SLX4IP: variants seen among roughly 807,000 people sequenced by gnomAD.
SLX4IP encodes protein SLX4IP.
SLX4IP carries 34 observed loss-of-function variants against 32.9 expected under a neutral mutation model. That is an observed-to-expected ratio of 1.03 (90% CI 0.79 to 1.38). The LOEUF (loss-of-function observed/expected upper bound fraction) is 1.38. Among genes scored for constraint, SLX4IP ranks in the 40% most tolerant of loss-of-function variants. SLX4IP has a pLI of 0.00. For missense variants in SLX4IP, 444 were observed against 479.0 expected, an observed-to-expected ratio of 0.93 and a Z score of 0.68; for synonymous variants, 172 against 171.7, an observed-to-expected ratio of 1.00 and a Z score of -0.01.
intron 2 of SLX4IP, among the ~76,000 whole-genome samples, chr20:10,467,246 A>G (rs538646170): frequency 6.6e-6 from 1 of 152,368 alleles, no homozygotes; most frequent in African/African-American, 2.4e-5. Context: ...CACATTGAAA[A>G]GATTTATGCA....
rs149226808 is a variant in SLX4IP, at chr20:10,534,585, A to G, written c.28-21646A>G. ...AGGTGGGGTAGAAGAAGGAATGGGG[A>G]GCTCCTTCCAGCAGAGCCAAGGTCC... is the stretch of plus-strand genomic sequence containing the variant. On this transcript the variant is annotated intron_variant, in intron 2 of 7. Coordinates refer to ENST00000334534, the MANE Select transcript of SLX4IP (RefSeq NM_001009608.3). 5.1e-3 allele frequency among the ~76,000 whole-genome samples: 772 copies of G among 152,264 alleles called. 3 individuals are homozygous for G. Among genetic ancestry groups the G allele is most frequent in the African/African-American group, 0.018 (744 of 41,560 alleles).
At chr20:10,588,307 A>G (rs112527194) in intron 4 of SLX4IP, among the ~76,000 whole-genome samples, 3,736 of 152,286 alleles carry the variant, frequency 0.025, 94 homozygotes, top group Admixed American at 0.087. Context: ...CCACAGTGAG[A>G]TGTCATCTCA....
chr20:10,591,846 T>C (rs1243546405), intron 4 of SLX4IP, among the ~76,000 whole-genome samples: 1 of 152,212 alleles, frequency 6.6e-6, no homozygotes, highest in Admixed American at 6.5e-5. Flanking sequence ...TTTCTCAATT[T>C]GTTTTATTCT....
At chr20:10,548,557 G>C (rs2066188310) in intron 2 of SLX4IP, among the ~76,000 whole-genome samples, 1 of 152,124 alleles carries the variant, frequency 6.6e-6, no homozygotes, top group Admixed American at 6.5e-5. Flanking sequence ...CCTTCTTTGT[G>C]TGTTATGATC....
intron 1 of SLX4IP, among the ~76,000 whole-genome samples, chr20:10,444,110 G>A (rs1171136128): frequency 6.8e-6 from 1 of 148,114 alleles, no homozygotes; most frequent in African/African-American, 2.5e-5. Flanking sequence ...GAAGAGTTTT[G>A]AATAGGGGAC....
At chr20:10,583,811 ATT>A (rs568064415) in intron 4 of SLX4IP, among the ~76,000 whole-genome samples, 13 of 152,340 alleles carry the variant, frequency 8.5e-5, no homozygotes, top group African/African-American at 3.1e-4. Flanking sequence ...AGGTATTTAT[ATT>A]ACTAGTAAAT....
At chr20:10,510,811 C>T (rs534411124) in intron 2 of SLX4IP, among the ~76,000 whole-genome samples, 7 of 152,110 alleles carry the variant, frequency 4.6e-5, no homozygotes, top group South Asian at 2.1e-4. Flanking sequence ...TCACCATGTT[C>T]GCCAGGATGG....
At chr20:10,474,096 T>G (rs1245939201) in intron 2 of SLX4IP, among the ~76,000 whole-genome samples, 1 of 152,174 alleles carries the variant, frequency 6.6e-6, no homozygotes, top group Non-Finnish European at 1.5e-5. Context: ...GTGCTGGGAT[T>G]ACAGGCGTGA....
intron 2 of SLX4IP, among the ~76,000 whole-genome samples, chr20:10,526,554 G>A (rs1473970712): frequency 1.3e-5 from 2 of 152,108 alleles, no homozygotes; most frequent in East Asian, 3.9e-4. Context: ...TTTTTAGTAG[G>A]CTTCTGTATT....
intron 2 of SLX4IP, among the ~76,000 whole-genome samples, chr20:10,489,480 T>A (rs2065602027): frequency 6.6e-6 from 1 of 152,240 alleles, no homozygotes; most frequent in Admixed American, 6.5e-5. Flanking sequence ...TAATGGGCCT[T>A]AAACTTGCCA....
intron 1 of SLX4IP, among the ~76,000 whole-genome samples, chr20:10,452,672 A>ATATAT (rs1391269787): frequency 1.5e-4 from 11 of 73,806 alleles, no homozygotes; most frequent in Admixed American, 1.3e-3. Flanking sequence ...CTCAAAAAAA[A>ATATAT]AAAAAAAAAT....
intron 3 of SLX4IP, 108 bp from the exon 4 acceptor site, chr20:10,560,592 A>G: frequency 1.1e-6 from 1 of 900,056 alleles, no homozygotes; most frequent in East Asian, 3.1e-5. Flanking sequence ...TTCACAGCTA[A>G]ATTAAAAAGC....
chr20:10,555,906 A>G (rs2066261935), intron 2 of SLX4IP, among the ~76,000 whole-genome samples: 1 of 152,154 alleles, frequency 6.6e-6, no homozygotes, highest in South Asian at 2.1e-4. Context: ...TGACCTATTT[A>G]ACTTCTCTCG....
At position 10,445,932 on chromosome 20, in the gene SLX4IP, GCTTTTT is replaced by G. The variant is rs1251665158; in HGVS notation, c.-30+10480_-30+10485del. Among the ~76,000 whole-genome samples, 374 of 126,226 alleles carry G rather than the reference GCTTTTT, an allele frequency of 3.0e-3. 3 individuals are homozygous for G. The highest frequency in any genetic ancestry group is 6.3e-3 in the South Asian group (24 of 3,834). 82.8% of individuals were successfully genotyped at this position (126,226 alleles called of 152,430 possible). On this transcript the variant is annotated intron_variant, in intron 1 of 7. Coordinates refer to ENST00000334534, the MANE Select transcript of SLX4IP (RefSeq NM_001009608.3). ...TGAGCCACTGTGCCTGGCTGAGATT[GCTTTTT>G]TTTTTTTTTTTTTTTTTTTAACTCA...
chr20:10,490,203 T>TA (rs2065610799), intron 2 of SLX4IP, among the ~76,000 whole-genome samples: 2 of 151,922 alleles, frequency 1.3e-5, no homozygotes, highest in African/African-American at 4.8e-5. Flanking sequence ...CTTTTTTTTT[T>TA]AGACTAAAAC....
rs142824747 is a variant in SLX4IP, at chr20:10,449,917, C to T, written c.-29-8259C>T. On this transcript the variant is annotated intron_variant, in intron 1 of 7. Transcript: ENST00000334534. ...TCTTTGAAAAATTCAGAATCTACAT[C>T]GTAAATGTAGCTGTTCTTGTTTTAT... Among the ~76,000 whole-genome samples, 784 of 151,446 alleles carry T rather than the reference C, an allele frequency of 5.2e-3. 14 individuals are homozygous for T. Among genetic ancestry groups the T allele is most frequent in the Non-Finnish European group, 5.3e-3 (358 of 67,914 alleles).
intron 4 of SLX4IP, among the ~76,000 whole-genome samples, chr20:10,597,367 G>A (rs771997003): frequency 4.6e-5 from 7 of 152,174 alleles, no homozygotes; most frequent in Non-Finnish European, 8.8e-5. Context: ...GTGATTTCAG[G>A]AAAATCATCA....
chr20:10,507,822 G>C (rs2065772089), intron 2 of SLX4IP, among the ~76,000 whole-genome samples: 2 of 151,310 alleles, frequency 1.3e-5, no homozygotes, highest in South Asian at 4.2e-4. Flanking sequence ...TTAACATTTT[G>C]GCATGTTTGC....
At chr20:10,577,341 C>T (rs1201535970) in intron 4 of SLX4IP, among the ~76,000 whole-genome samples, 1 of 151,592 alleles carries the variant, frequency 6.6e-6, no homozygotes, top group Non-Finnish European at 1.5e-5. Flanking sequence ...TCTTTTTTTC[C>T]TCTAGCTTTT....
Sources: allele counts gnomAD v4.1 joint callset (sites outside exome capture counted in the v4.1 genomes callset), GRCh38; gene constraint gnomAD v4.1.1; transcripts MANE v1.5; gene names NCBI Gene and HGNC (gene_info 2026-07-23, HGNC 2026-07-21).